STK3: variants seen among roughly 807,000 people sequenced by gnomAD.
STK3 encodes serine/threonine-protein kinase 3.
STK3 carries 41 observed loss-of-function variants against 58.0 expected under a neutral mutation model. That is an observed-to-expected ratio of 0.71 (90% confidence interval 0.55 to 0.92). STK3 has a LOEUF of 0.92. Ranked by LOEUF, STK3 falls within the 40% of genes least tolerant of loss-of-function variation. The pLI, the probability that STK3 is intolerant of heterozygous loss-of-function variation, is 0.00. For synonymous variants in STK3, 170 were observed against 191.0 expected, an observed-to-expected ratio of 0.89 and a Z score of 0.91; for missense variants, 479 against 602.7, an observed-to-expected ratio of 0.79 and a Z score of 2.15.
chr8:98,795,103 AATATATAT>A (rs1222756810), intron 1 of STK3, among the ~76,000 whole-genome samples: 3,907 of 64,214 alleles, frequency 0.061, 401 homozygotes, highest in Middle Eastern at 0.14. Context: ...AAAAAAAAAA[AATATATAT>A]ATATATATAT....
intron 6 of STK3, among the ~76,000 whole-genome samples, chr8:98,646,820 C>T (rs1249188742): frequency 6.6e-6 from 1 of 152,156 alleles, no homozygotes; most frequent in African/African-American, 2.4e-5. Context: ...TTAGGTCTTA[C>T]CACCTCCACT....
intron 3 of STK3, among the ~76,000 whole-genome samples, chr8:98,416,854 C>T (rs1329333126): frequency 1.3e-5 from 2 of 152,204 alleles, no homozygotes; most frequent in African/African-American, 4.8e-5. Flanking sequence ...TGTCTTCCCT[C>T]AGCTGGGTTT....
chr8:98,440,716 TAAG>T (rs891773855), intron 1 of STK3, among the ~76,000 whole-genome samples: 2 of 152,194 alleles, frequency 1.3e-5, no homozygotes, highest in African/African-American at 4.8e-5. Flanking sequence ...AGCTAAAATC[TAAG>T]GAGGAGGATG....
intron 1 of STK3, among the ~76,000 whole-genome samples, chr8:98,789,158 G>A (rs185591134): frequency 6.6e-6 from 1 of 152,294 alleles, no homozygotes; most frequent in Non-Finnish European, 1.5e-5. Context: ...GCTTTTAAAT[G>A]ATCATTGGGT....
chr8:98,626,026 G>A (rs776092481), intron 6 of STK3, among the ~76,000 whole-genome samples: 26 of 152,202 alleles, frequency 1.7e-4, no homozygotes, highest in Non-Finnish European at 3.7e-4. Flanking sequence ...TATTACAGAG[G>A]CTGCCCCTCA....
chr8:98,614,902 C>A (rs1817548451), intron 6 of STK3, among the ~76,000 whole-genome samples: 1 of 152,172 alleles, frequency 6.6e-6, no homozygotes, highest in African/African-American at 2.4e-5. Context: ...CCGCCATTGC[C>A]CGGGCTTGCT....
intron 6 of STK3, among the ~76,000 whole-genome samples, chr8:98,614,652 G>A (rs966220635): frequency 3.9e-5 from 6 of 152,232 alleles, no homozygotes; most frequent in South Asian, 2.1e-4. Flanking sequence ...CCTGGGAAGC[G>A]CAAGGGGTCA....
At chr8:98,427,853 C>G in intron 3 of STK3, 1 of 740,930 alleles carries the variant, frequency 1.3e-6, no homozygotes. Flanking sequence ...CACCAGGAGG[C>G]CTGGGCCCGC....
chr8:98,633,474 A>G, intron 6 of STK3: 5 of 600,870 alleles, frequency 8.3e-6, no homozygotes, highest in Non-Finnish European at 1.5e-5. Flanking sequence ...ACTGATCCAG[A>G]AGAAGGTAGA....
chr8:98,696,781 G>A (rs1824984476), intron 6 of STK3, among the ~76,000 whole-genome samples: 1 of 151,998 alleles, frequency 6.6e-6, no homozygotes, highest in Non-Finnish European at 1.5e-5. Context: ...GAGGATTTTT[G>A]CATCAATGTT....
chr8:98,720,266 A>C (rs1827301477), intron 4 of STK3, among the ~76,000 whole-genome samples: 1 of 152,158 alleles, frequency 6.6e-6, no homozygotes, highest in African/African-American at 2.4e-5. Flanking sequence ...TCTCTACTTA[A>C]GTAAGTAAGC....
chr8:98,913,122 C>T (rs937658666), intron 1 of STK3, among the ~76,000 whole-genome samples: 2 of 131,546 alleles, frequency 1.5e-5, no homozygotes, highest in African/African-American at 5.9e-5. Flanking sequence ...TAGGGGTTCA[C>T]ATAAATGGCA....
rs79814980 is a variant in STK3, at chr8:98,786,284, T to A, written c.27-11465A>T. ...ATTTCAGGCCAGGCATGGTGGCTCA[T>A]GCCTATAATCCCAACACTTGAGGAG... is the stretch of plus-strand genomic sequence containing the variant. On this transcript the variant is annotated intron_variant, in intron 1 of 10. Transcript: ENST00000419617. 8.5e-3 allele frequency among the ~76,000 whole-genome samples: 1,296 copies of A among 152,318 alleles called. 13 individuals are homozygous for A. Among genetic ancestry groups the A allele is most frequent in the African/African-American group, 0.029 (1,215 of 41,558 alleles).
rs1294292651 is a variant in STK3 at position 98,825,500 on chromosome 8, TCCC to T, written c.26+12_26+14del. On this transcript the variant is annotated intron_variant, in intron 1 of 10. Coordinates refer to ENST00000419617, the MANE Select transcript of STK3 (RefSeq NM_006281.4). Reference sequence around the variant, plus strand: ...GCGCCGCTTCCCTCCTTCTTCCCGCTCCCCGATTCGTTACCTCTTAGGCGCCGG... The same window carrying T: ...GCGCCGCTTCCCTCCTTCTTCCCGCTCGATTCGTTACCTCTTAGGCGCCGG... 1.4e-6 allele frequency: 2 copies of T among 1,444,302 alleles called. No individual in the cohort carries two copies. The highest frequency in any genetic ancestry group is 2.6e-5 in the South Asian group (2 of 76,700). 89.5% of individuals were successfully genotyped at this position (1,444,302 alleles called of 1,614,324 possible). A position where few individuals can be genotyped will look rare whatever the true frequency, so the allele number is the denominator to read the frequency against.
intron 6 of STK3, among the ~76,000 whole-genome samples, chr8:98,671,029 C>T (rs372856994): frequency 6.6e-5 from 10 of 152,134 alleles, no homozygotes; most frequent in African/African-American, 2.4e-4. Context: ...GCGAGCCCAG[C>T]AAAGGGGCCA....
At chr8:98,617,016 T>C (rs1208836435) in intron 6 of STK3, among the ~76,000 whole-genome samples, 1 of 152,086 alleles carries the variant, frequency 6.6e-6, no homozygotes, top group East Asian at 1.9e-4. Context: ...TACGTTTTTT[T>C]CAGCACCACA....
intron 6 of STK3, among the ~76,000 whole-genome samples, chr8:98,701,493 C>T (rs1363389804): frequency 6.6e-6 from 1 of 151,954 alleles, no homozygotes; most frequent in Non-Finnish European, 1.5e-5. Context: ...GTGGTGCGCA[C>T]TTGTAATCCC....
exon 4 of STK3, chr8:98,401,500 G>A (rs1009310922): frequency 6.6e-6 from 1 of 152,176 alleles, no homozygotes; most frequent in Non-Finnish European, 1.5e-5. Flanking sequence ...GCTTTCCAAG[G>A]CTTCTGCTGA....
intron 1 of STK3, among the ~76,000 whole-genome samples, chr8:98,935,930 T>A (rs2132050616): frequency 6.6e-6 from 1 of 152,220 alleles, no homozygotes; most frequent in South Asian, 2.1e-4. Context: ...TATTTATTTT[T>A]TTTTGAGGTG....
Sources: allele counts gnomAD v4.1 joint callset (sites outside exome capture counted in the v4.1 genomes callset), GRCh38; gene constraint gnomAD v4.1.1; transcripts MANE v1.5; gene names NCBI Gene and HGNC (gene_info 2026-07-23, HGNC 2026-07-21).